CANT1: variants seen among roughly 807,000 people sequenced by gnomAD.
CANT1 encodes the protein calcium activated nucleotidase 1.
In CANT1, 26 loss-of-function variants were observed where a neutral mutation model predicts 30.0. That is an observed-to-expected ratio of 0.87 (90% CI 0.64 to 1.20). The LOEUF (loss-of-function observed/expected upper bound fraction) is 1.20. Among genes scored for constraint, CANT1 ranks in the 50% most tolerant of loss-of-function variants. The pLI, the probability that CANT1 is intolerant of heterozygous loss-of-function variation, is 0.00. For missense variants in CANT1, 518 were observed against 563.0 expected, an observed-to-expected ratio of 0.92 and a Z score of 0.81; for synonymous variants, 246 against 251.8, an observed-to-expected ratio of 0.98 and a Z score of 0.22.
intron 1 of CANT1, among the ~76,000 whole-genome samples, chr17:79,004,044 T>G (rs572945921): frequency 2.9e-3 from 19 of 6,618 alleles, no homozygotes; most frequent in South Asian, 9.3e-3. Context: ...AGTTAGTGAG[T>G]GGGGAGTTAG....
rs377059117 is a variant in CANT1, at chr17:78,996,958, C to G, written c.631+34G>C. 6.2e-7 allele frequency: 1 copy of G among 1,612,096 alleles called. No individual in the cohort carries two copies. The highest frequency in any genetic ancestry group is 1.1e-5 in the South Asian group (1 of 91,074). On this transcript the variant is annotated intron_variant, in intron 3 of 4. Coordinates refer to ENST00000392446, the MANE Select transcript of CANT1 (RefSeq NM_001159773.2). This position sits in a 1 kb window ranked among gnomAD's most constrained non-coding sequence, Gnocchi z 5.1. Reference sequence around the variant, plus strand: ...CCAGGCCCTGAGCTCCCACTCCCCACCCACACCTCCATAAAACCTCAGGGT... The same window carrying G: ...CCAGGCCCTGAGCTCCCACTCCCCAGCCACACCTCCATAAAACCTCAGGGT...
chr17:78,996,295 C>T lies in CANT1; in HGVS notation c.631+697G>A, dbSNP rs749684171. Among the ~76,000 whole-genome samples the T allele has an allele frequency of 1.3e-5, 2 of 152,220 alleles. No individual in the cohort carries two copies. Among genetic ancestry groups the T allele is most frequent in the Admixed American group, 6.5e-5 (1 of 15,300 alleles). The stretch of plus-strand genomic sequence containing the variant: ...AGCTTTCTAGAAGGTGGGGATCCAC[C>T]GCCAGCTCAGACAAACGGAGCTCAG... On this transcript the variant is annotated intron_variant, in intron 3 of 4. Coordinates refer to ENST00000392446, the MANE Select transcript of CANT1 (RefSeq NM_001159773.2). This position sits in a 1 kb window ranked among gnomAD's most constrained non-coding sequence, Gnocchi z 5.1.
intron 1 of CANT1, among the ~76,000 whole-genome samples, chr17:79,003,744 G>A (rs963030786): frequency 1.3e-5 from 2 of 151,782 alleles, no homozygotes; most frequent in Non-Finnish European, 2.9e-5. Flanking sequence ...GTTCAGTGGG[G>A]CTGCAAACCA....
chr17:78,993,825 C>T lies in CANT1; in HGVS notation c.931G>A (p.Asp311Asn), dbSNP rs1220316260. ...AGGTTGGCGCCCTTGCGCTCGTCGT[C>T]CTTCTCGCTGTAGCGCTCCTGGCTG... is the stretch of plus-strand genomic sequence containing the variant. The part of the protein sequence containing the change: ...RASQERYSEK[D>N]DERKGANLLL... Residue 311 changes from aspartate to asparagine, a missense_variant, in exon 5 of 5, where the codon GAC (aspartate) becomes AAC (asparagine). Coordinates refer to ENST00000392446, the MANE Select transcript of CANT1 (RefSeq NM_001159773.2). The surrounding 1 kb of genome is among the most constrained non-coding windows in gnomAD (Gnocchi z 4.5). 1 of 1,605,822 alleles carries T rather than the reference C, an allele frequency of 6.2e-7. No homozygotes were observed. The highest frequency in any genetic ancestry group is 8.5e-7 in the Non-Finnish European group (1 of 1,177,142).
intron 1 of CANT1, 149 bp downstream of exon 1, chr17:79,009,515 A>T (rs1399673734): frequency 6.6e-6 from 1 of 152,172 alleles, no homozygotes; most frequent in African/African-American, 2.4e-5. Context: ...GTCAGGGGGC[A>T]GAGATCCCGC....
chr17:79,008,370 G>A lies in CANT1; in HGVS notation c.-147+1294C>T, dbSNP rs1484629391. Among the ~76,000 whole-genome samples, 3 of 152,196 alleles carry A rather than the reference G, an allele frequency of 2.0e-5. No homozygotes were observed. Among genetic ancestry groups the A allele is most frequent in the Non-Finnish European group, 4.4e-5 (3 of 68,026 alleles). ...AGGGAGGAAGAGCTGGGAGATAGCG[G>A]ATCCTGAAGGGCTGCGGCACCCGCT... On this transcript the variant is annotated intron_variant, in intron 1 of 4. Coordinates refer to ENST00000392446, the MANE Select transcript of CANT1 (RefSeq NM_001159773.2). The surrounding 1 kb of genome is among the most constrained non-coding windows in gnomAD (Gnocchi z 4.4).
chr17:78,997,893 T>G lies in CANT1; in HGVS notation c.-76A>C. 1 of 395,530 alleles carries G rather than the reference T, an allele frequency of 2.5e-6. No individual in the cohort carries two copies. The allele number at this position is 395,530 out of a possible 1,614,324, so 24.5% of individuals were successfully genotyped here. A position where few individuals can be genotyped will look rare whatever the true frequency, so the allele number is the denominator to read the frequency against. Reference sequence around the variant, plus strand: ...CACAGCAAAATTACTCCATCTCCCCTGTCCCAGCTGGCAACGTGGGAAGCT... The same window carrying G: ...CACAGCAAAATTACTCCATCTCCCCGGTCCCAGCTGGCAACGTGGGAAGCT... On this transcript the variant is annotated 5_prime_UTR_variant, in exon 2 of 5. Coordinates refer to ENST00000392446, the MANE Select transcript of CANT1 (RefSeq NM_001159773.2). This position sits in a 1 kb window ranked among gnomAD's most constrained non-coding sequence, Gnocchi z 7.5.
Position 79,009,757 on chromosome 17 carries a change from G to A in CANT1, c.-240C>T, listed in dbSNP as rs1322210584. Reference sequence around the variant, plus strand: ...GCTAACGGCCGGGACGGAGGAAGGTGGCCGACTTCCGCCCCGCGCGCGCTC... The same window carrying A: ...GCTAACGGCCGGGACGGAGGAAGGTAGCCGACTTCCGCCCCGCGCGCGCTC... On this transcript the variant is annotated 5_prime_UTR_variant, in exon 1 of 5. Coordinates refer to ENST00000392446, the MANE Select transcript of CANT1 (RefSeq NM_001159773.2). 2 of 151,688 alleles carry A rather than the reference G, an allele frequency of 1.3e-5. No homozygotes were observed. The highest frequency in any genetic ancestry group is 1.9e-4 in the East Asian group (1 of 5,186). The allele number at this position is 151,688 out of a possible 1,614,324, so 9.4% of individuals were successfully genotyped here.
rs965710537 is a variant in CANT1 at position 78,996,394 on chromosome 17, G to A, written c.631+598C>T. Among the ~76,000 whole-genome samples, 11 of 152,126 alleles carry A rather than the reference G, an allele frequency of 7.2e-5. No homozygotes were observed. Among genetic ancestry groups the A allele is most frequent in the African/African-American group, 1.2e-4 (5 of 41,436 alleles). Reference sequence around the variant, plus strand: ...TCTCTGGAGGAAGACACTGGCCACCGTGCCTCCCCAAAGCCTGTCCCTGCC... The same window carrying A: ...TCTCTGGAGGAAGACACTGGCCACCATGCCTCCCCAAAGCCTGTCCCTGCC... On this transcript the variant is annotated intron_variant, in intron 3 of 4. Coordinates refer to ENST00000392446, the MANE Select transcript of CANT1 (RefSeq NM_001159773.2). This position sits in a 1 kb window ranked among gnomAD's most constrained non-coding sequence, Gnocchi z 5.1.
rs1315021300 is a variant in CANT1 at position 78,998,788 on chromosome 17, A to G, written c.-146-825T>C. On this transcript the variant is annotated intron_variant, in intron 1 of 4. Transcript: ENST00000392446. The surrounding 1 kb of genome is among the most constrained non-coding windows in gnomAD (Gnocchi z 4.5). Reference sequence around the variant, plus strand: ...GATCGAGAACACTGGCCCTGGGCAGAGGTTCCATATCTCTGCCCTCCAACT... The same window carrying G: ...GATCGAGAACACTGGCCCTGGGCAGGGGTTCCATATCTCTGCCCTCCAACT... Among the ~76,000 whole-genome samples the G allele has an allele frequency of 6.6e-6, 1 of 152,230 alleles. No individual in the cohort carries two copies. The highest frequency in any genetic ancestry group is 2.4e-5 in the African/African-American group (1 of 41,468).
At position 78,998,510 on chromosome 17, in the gene CANT1, G is replaced by A. The variant is rs531610967; in HGVS notation, c.-146-547C>T. On this transcript the variant is annotated intron_variant, in intron 1 of 4. Coordinates refer to ENST00000392446, the MANE Select transcript of CANT1 (RefSeq NM_001159773.2). The surrounding 1 kb of genome is among the most constrained non-coding windows in gnomAD (Gnocchi z 4.5). The stretch of plus-strand genomic sequence containing the variant: ...CACTGCGGGGCCTGGCTCGGCCGCA[G>A]GCCTCTCCCAGCTCACCCTCCACCC... 6.6e-6 allele frequency among the ~76,000 whole-genome samples: 1 copy of A among 152,380 alleles called. No homozygotes were observed. Among genetic ancestry groups the A allele is most frequent in the East Asian group, 1.9e-4 (1 of 5,194 alleles).
intron 4 of CANT1, 138 bp downstream of exon 4, chr17:78,994,880 A>T: frequency 1.1e-6 from 1 of 902,502 alleles, no homozygotes; most frequent in Non-Finnish European, 1.7e-6. Flanking sequence ...AGATCGTGCC[A>T]CTGCACTCTA....
Position 78,993,341 on chromosome 17 carries a change from A to T in CANT1, c.*209T>A. The T allele has an allele frequency of 1.6e-6, 1 of 636,952 alleles. No individual in the cohort carries two copies. The highest frequency in any genetic ancestry group is 1.9e-5 in the South Asian group (1 of 52,698). 39.5% of individuals were successfully genotyped at this position (636,952 alleles called of 1,614,324 possible). On this transcript the variant is annotated 3_prime_UTR_variant, in exon 5 of 5. Coordinates refer to ENST00000392446, the MANE Select transcript of CANT1 (RefSeq NM_001159773.2). The surrounding 1 kb of genome is among the most constrained non-coding windows in gnomAD (Gnocchi z 4.5). Reference sequence around the variant, plus strand: ...CTGAAGTGACCGAAATCACCACCAGATGGCAGCATGGAAAGCAGTTCAGAC... The same window carrying T: ...CTGAAGTGACCGAAATCACCACCAGTTGGCAGCATGGAAAGCAGTTCAGAC...
chr17:79,007,408 G>A (rs1354994660), intron 1 of CANT1, among the ~76,000 whole-genome samples: 2 of 152,168 alleles, frequency 1.3e-5, no homozygotes, highest in African/African-American at 4.8e-5. Context: ...ATAGAAAAAT[G>A]ACCTCCTTGT....
rs777092739 is a variant in CANT1, at chr17:78,995,150, T to TC, written c.702dup (p.Thr235AspfsTer5). The stretch of plus-strand genomic sequence containing the variant: ...TCGTTCACCACATCACCCGTAGTGG[T>TC]CGTCCACTCCTTGCCCAGGCCGCCC... On this transcript the variant is annotated frameshift_variant, in exon 4 of 5. Coordinates refer to ENST00000392446, the MANE Select transcript of CANT1 (RefSeq NM_001159773.2). LOFTEE classifies it high-confidence loss of function. This position sits in a 1 kb window ranked among gnomAD's most constrained non-coding sequence, Gnocchi z 5.7. The TC allele has an allele frequency of 6.2e-7, 1 of 1,614,018 alleles. No homozygotes were observed. The highest frequency in any genetic ancestry group is 8.5e-7 in the Non-Finnish European group (1 of 1,179,944).
chr17:78,994,478 C>A (rs572293513), intron 4 of CANT1, among the ~76,000 whole-genome samples: 3 of 152,204 alleles, frequency 2.0e-5, no homozygotes, highest in Non-Finnish European at 4.4e-5. Flanking sequence ...TGCAGACAAC[C>A]GGGCCACAGG....
chr17:78,997,486 A>T lies in CANT1; in HGVS notation c.137T>A (p.Ile46Asn). ...DPRFRPRWKV[I>N]LTFFVGAAIL... Reference sequence around the variant, plus strand: ...GGCAGCACCCACAAAGAACGTCAGGATCACCTTCCAGCGGGGGCGGAAGCG... The same window carrying T: ...GGCAGCACCCACAAAGAACGTCAGGTTCACCTTCCAGCGGGGGCGGAAGCG... Residue 46 changes from isoleucine (I) to asparagine (N), a missense_variant, in exon 3 of 5, where the codon ATC (isoleucine) becomes AAC (asparagine). By Grantham distance (149) the Ile-to-Asn change is moderately radical. Coordinates refer to ENST00000392446, the MANE Select transcript of CANT1 (RefSeq NM_001159773.2). The surrounding 1 kb of genome is among the most constrained non-coding windows in gnomAD (Gnocchi z 7.5). 6.3e-7 allele frequency: 1 copy of T among 1,588,012 alleles called. No individual in the cohort carries two copies. Among genetic ancestry groups the T allele is most frequent in the Non-Finnish European group, 8.6e-7 (1 of 1,165,216 alleles).
In CANT1 at chr17:78,996,353, G is replaced by A. The variant is rs369392607; in HGVS notation, c.631+639C>T. On this transcript the variant is annotated intron_variant, in intron 3 of 4. Transcript: ENST00000392446. This position sits in a 1 kb window ranked among gnomAD's most constrained non-coding sequence, Gnocchi z 5.1. ...GGCAGCTCCTCTGCCAGCGTCCTTG[G>A]CACCTCCCCAGCTCCTCTCTGGAGG... is the stretch of plus-strand genomic sequence containing the variant. 7.2e-5 allele frequency among the ~76,000 whole-genome samples: 11 copies of A among 152,240 alleles called. 1 individual carries two copies. Among genetic ancestry groups the A allele is most frequent in the African/African-American group, 2.6e-4 (11 of 41,538 alleles).
intron 1 of CANT1, among the ~76,000 whole-genome samples, chr17:79,007,912 G>A (rs1331723265): frequency 6.6e-6 from 1 of 152,204 alleles, no homozygotes; most frequent in African/African-American, 2.4e-5. Context: ...GTCCTATCCC[G>A]CTGCGAGTGG....
Sources: gnomAD v4.1 joint callset for allele counts (sites outside exome capture counted in the v4.1 genomes callset) on GRCh38, gnomAD v4.1.1 for gene constraint, Gnocchi (gnomAD v3.1) non-coding constraint, MANE v1.5 for transcripts, NCBI Gene and HGNC (gene_info 2026-07-23, HGNC 2026-07-21) for gene names.